SAFB: variants seen among roughly 807,000 people sequenced by gnomAD.
SAFB encodes scaffold attachment factor B1.
A neutral mutation model predicts 101.6 loss-of-function variants in SAFB; 15 were observed. The observed-to-expected ratio is 0.15, with a 90% CI of 0.10 to 0.23. SAFB has a LOEUF of 0.23. Among genes scored for constraint, SAFB ranks in the 10% least tolerant of loss-of-function variants. The pLI is 1.00. For missense variants in SAFB, 930 were observed against 1,104.1 expected (o/e 0.84, Z 2.23); for synonymous variants, 449 against 407.5 (o/e 1.10, Z -1.23).
chr19:5,642,002 A>G, intron 4 of SAFB, 56 bp downstream of exon 4: 1 of 1,351,424 alleles, frequency 7.4e-7, no homozygotes, highest in East Asian at 2.3e-5. Flanking sequence ...TTCCACAATT[A>G]AAATAGGTGA....
intron 13 of SAFB, among the ~76,000 whole-genome samples, chr19:5,656,509 C>A (rs149788115): frequency 6.5e-4 from 98 of 151,146 alleles, no homozygotes; most frequent in African/African-American, 2.4e-3. Context: ...CTCCTGACTT[C>A]AAGTGATCCA....
Position 5,661,551 on chromosome 19 carries a change from C to G in SAFB, c.1896C>G (p.Arg632=). ...GTGAACGCAGTGAACGCGAACAACG[C>G]ATGCAGGCGCAGTGGGAGCGCGAGG... The part of the protein sequence containing the change: ...RVRERSEREQ[R]MQAQWEREER... The change falls in exon 15 of 21, where the codon CGC becomes CGG. Residue 632 remains arginine (R), a synonymous_variant. Coordinates refer to ENST00000588852, the MANE Select transcript of SAFB (RefSeq NM_001201338.2). 1.2e-6 allele frequency: 2 copies of G among 1,613,070 alleles called. No homozygotes were observed. Among genetic ancestry groups the G allele is most frequent in the Non-Finnish European group, 1.7e-6 (2 of 1,179,912 alleles).
chr19:5,662,374 A>T (rs2145489004), intron 15 of SAFB, among the ~76,000 whole-genome samples: 1 of 151,972 alleles, frequency 6.6e-6, no homozygotes, highest in Admixed American at 6.5e-5. Context: ...GGCGCCTGTA[A>T]TCCCAGCTAC....
intron 4 of SAFB, among the ~76,000 whole-genome samples, chr19:5,644,438 G>T (rs569112775): frequency 1.3e-5 from 2 of 152,216 alleles, no homozygotes; most frequent in African/African-American, 4.8e-5. Context: ...ATGATGTGCT[G>T]CCCCTGGTGC....
chr19:5,629,057 A>G (rs1284390398), intron 2 of SAFB, among the ~76,000 whole-genome samples: 1 of 152,142 alleles, frequency 6.6e-6, no homozygotes, highest in Non-Finnish European at 1.5e-5. Flanking sequence ...TCAGCCCCAC[A>G]AAACGTTTAG....
At chr19:5,660,239 T>C (rs563974484) in intron 14 of SAFB, among the ~76,000 whole-genome samples, 2 of 151,956 alleles carry the variant, frequency 1.3e-5, no homozygotes, top group East Asian at 1.9e-4. Context: ...CTGTACACTT[T>C]AAATCACTTC....
intron 2 of SAFB, among the ~76,000 whole-genome samples, chr19:5,630,478 A>G (rs1424138132): frequency 6.6e-6 from 1 of 152,226 alleles, no homozygotes; most frequent in Non-Finnish European, 1.5e-5. Flanking sequence ...TATTAAAAAT[A>G]TGACTGTAAG....
Position 5,625,898 on chromosome 19 carries a change from G to A in SAFB, c.190-507G>A, listed in dbSNP as rs148387546. Among the ~76,000 whole-genome samples the A allele has an allele frequency of 3.3e-5, 5 of 152,306 alleles. No individual in the cohort carries two copies. In the East Asian group the frequency reaches 5.8e-4, roughly 18 times the overall value. ...AACACATAGTAGGATCCCAGTCAGC[G>A]AGCATTAGTATTCTGTCCACACAGT... On this transcript the variant is annotated intron_variant, in intron 1 of 20. Coordinates refer to ENST00000588852, the MANE Select transcript of SAFB (RefSeq NM_001201338.2).
intron 2 of SAFB, among the ~76,000 whole-genome samples, chr19:5,636,085 C>T (rs1436753661): frequency 6.6e-6 from 1 of 151,984 alleles, no homozygotes; most frequent in East Asian, 1.9e-4. Context: ...TCACATTTTA[C>T]CTCGGGGGAG....
chr19:5,657,518 T>C (rs1353685775), intron 14 of SAFB, among the ~76,000 whole-genome samples, 171 bp downstream of exon 14: 1 of 152,150 alleles, frequency 6.6e-6, no homozygotes, highest in East Asian at 1.9e-4. Context: ...CCTACGGCTC[T>C]TTTCTTTTCT....
intron 2 of SAFB, among the ~76,000 whole-genome samples, chr19:5,633,659 G>T (rs970741494): frequency 6.6e-6 from 1 of 152,074 alleles, no homozygotes; most frequent in African/African-American, 2.4e-5. Flanking sequence ...GGCGCCTGTA[G>T]TCCCAGCTAC....
intron 2 of SAFB, among the ~76,000 whole-genome samples, chr19:5,640,932 C>G (rs995511881): frequency 1.4e-5 from 2 of 138,294 alleles, no homozygotes; most frequent in African/African-American, 5.4e-5. Flanking sequence ...TTTTGTTTTT[C>G]TTTTTTTTTT....
At chr19:5,645,440 C>T (rs772279680) in intron 5 of SAFB, 41 bp downstream of exon 5, 9 of 936,370 alleles carry the variant, frequency 9.6e-6, no homozygotes, top group Non-Finnish European at 1.6e-5. Context: ...AATGAAAGGT[C>T]AGACCACAAT....
intron 2 of SAFB, among the ~76,000 whole-genome samples, chr19:5,633,238 T>TA (rs1432625642): frequency 1.3e-5 from 2 of 152,250 alleles, no homozygotes; most frequent in African/African-American, 4.8e-5. Context: ...TGTGTGAACT[T>TA]AGATTATTTT....
rs561446017 is a variant in SAFB at position 5,640,822 on chromosome 19, C to G, written c.275-772C>G. Reference sequence around the variant, plus strand: ...GCCAGGCTGGTGTCAAACTCCTGACCTCAAGTGATCCACCTGTCTCGGCCT... The same window carrying G: ...GCCAGGCTGGTGTCAAACTCCTGACGTCAAGTGATCCACCTGTCTCGGCCT... On this transcript the variant is annotated intron_variant, in intron 2 of 20. Coordinates refer to ENST00000588852, the MANE Select transcript of SAFB (RefSeq NM_001201338.2). 4.6e-4 allele frequency among the ~76,000 whole-genome samples: 70 copies of G among 152,268 alleles called. 1 individual carries two copies. Among genetic ancestry groups the G allele is most frequent in the African/African-American group, 1.6e-3 (65 of 41,554 alleles).
intron 11 of SAFB, 105 bp from the exon 12 acceptor site, chr19:5,653,956 G>A: frequency 1.0e-6 from 1 of 991,266 alleles, no homozygotes; most frequent in South Asian, 1.5e-5. Flanking sequence ...GGCCAGGCTG[G>A]TCTCGAACTC....
chr19:5,638,400 C>T (rs1264262240), intron 2 of SAFB, among the ~76,000 whole-genome samples: 1 of 152,126 alleles, frequency 6.6e-6, no homozygotes, highest in Non-Finnish European at 1.5e-5. Flanking sequence ...CTCACTGCAA[C>T]CTCTGCCTCC....
intron 2 of SAFB, among the ~76,000 whole-genome samples, chr19:5,635,148 T>C (rs1221641257): frequency 6.6e-6 from 1 of 151,646 alleles, no homozygotes; most frequent in Non-Finnish European, 1.5e-5. Flanking sequence ...CAAAAAAAAA[T>C]TTTTTTTACA....
intron 6 of SAFB, chr19:5,648,779 C>T (rs2053876894): frequency 2.8e-6 from 2 of 714,170 alleles, no homozygotes; most frequent in Admixed American, 2.2e-5. Flanking sequence ...ATGCTTTTCT[C>T]TTCCGTGTAG....
Sources: allele counts gnomAD v4.1 joint callset (sites outside exome capture counted in the v4.1 genomes callset), GRCh38; gene constraint gnomAD v4.1.1; transcripts MANE v1.5; gene names NCBI Gene and HGNC (gene_info 2026-07-23, HGNC 2026-07-21).